Variants in DMXL2 observed in about 807,000 individuals in gnomAD.
The protein encoded by DMXL2 is Dmx like 2.
DMXL2 carries 103 observed loss-of-function variants against 331.1 expected under a neutral mutation model. That is an observed-to-expected ratio of 0.31 (90% confidence interval 0.27 to 0.37). DMXL2 has a LOEUF of 0.37. DMXL2 is among the 10% of genes least tolerant of loss of function. The pLI, the probability that DMXL2 is intolerant of heterozygous loss-of-function variation, is 1.00. For synonymous variants in DMXL2, 1,281 were observed against 1,252.1 expected, an observed-to-expected ratio of 1.02 and a Z score of -0.49; for missense variants, 3,171 against 3,642.9, an observed-to-expected ratio of 0.87 and a Z score of 3.33.
At chr15:51,619,850 C>T (rs1885986345) in intron 1 of DMXL2, among the ~76,000 whole-genome samples, 1 of 152,118 alleles carries the variant, frequency 6.6e-6, no homozygotes, top group Admixed American at 6.5e-5. Context: ...ACACCCTCTC[C>T]AGAGCAGGCA....
chr15:51,542,241 A>G (rs2140913413), intron 9 of DMXL2, 92 bp downstream of exon 9: 1 of 1,259,820 alleles, frequency 7.9e-7, no homozygotes, highest in African/African-American at 1.5e-5. Flanking sequence ...GCAACATGAA[A>G]TAATAAAAAA....
chr15:51,601,403 G>T (rs190380104), intron 1 of DMXL2, among the ~76,000 whole-genome samples: 3 of 150,652 alleles, frequency 2.0e-5, no homozygotes, highest in Non-Finnish European at 4.4e-5. Flanking sequence ...AATATGTATT[G>T]TTCTGTCTTG....
chr15:51,453,511 C>A (rs750900599), intron 41 of DMXL2, 39 bp downstream of exon 41: 2 of 1,473,854 alleles, frequency 1.4e-6, no homozygotes, highest in East Asian at 2.4e-5. Flanking sequence ...GGATTTCTAA[C>A]GTTTTTATAT....
intron 18 of DMXL2, among the ~76,000 whole-genome samples, chr15:51,497,240 A>C (rs1004716530): frequency 1.1e-4 from 16 of 152,360 alleles, no homozygotes; most frequent in Middle Eastern, 3.4e-3. Flanking sequence ...TAACCTGCAG[A>C]GAAGAAAACT....
chr15:51,447,887 A>G lies in DMXL2; in HGVS notation c.*1097T>C, dbSNP rs1214935758. ...TTACTTTTATGCCATTGTATTTACT[A>G]TTTACCACACAGGCATTGAACATTC... On this transcript the variant is annotated 3_prime_UTR_variant, in exon 44 of 44. Transcript: ENST00000560891. 2 of 152,652 alleles carry G rather than the reference A, an allele frequency of 1.3e-5. No homozygotes were observed. Among genetic ancestry groups the G allele is most frequent in the African/African-American group, 4.8e-5 (2 of 41,452 alleles). The allele number at this position is 152,652 out of a possible 1,614,324, so 9.5% of individuals were successfully genotyped here.
intron 15 of DMXL2, among the ~76,000 whole-genome samples, chr15:51,512,990 T>A (rs1488341834): frequency 6.6e-6 from 1 of 152,048 alleles, no homozygotes; most frequent in Non-Finnish European, 1.5e-5. Flanking sequence ...AACTTTAAAT[T>A]AAAACTTAGT....
intron 40 of DMXL2, 140 bp downstream of exon 40, chr15:51,455,011 G>A: frequency 1.5e-6 from 1 of 678,072 alleles, no homozygotes; most frequent in South Asian, 1.8e-5. Context: ...GTAAGGATGG[G>A]TGCTGCTGTC....
At chr15:51,556,852 A>G (rs1285506625) in intron 6 of DMXL2, among the ~76,000 whole-genome samples, 1 of 152,210 alleles carries the variant, frequency 6.6e-6, no homozygotes, top group Non-Finnish European at 1.5e-5. Context: ...GGTTTAGAAA[A>G]ACAATCTAGC....
At chr15:51,496,539 T>C (rs1465503687) in intron 18 of DMXL2, among the ~76,000 whole-genome samples, 1 of 152,160 alleles carries the variant, frequency 6.6e-6, no homozygotes, top group Non-Finnish European at 1.5e-5. Context: ...TAACTTTTAT[T>C]CTAAAGTGAG....
intron 17 of DMXL2, among the ~76,000 whole-genome samples, chr15:51,501,815 G>A (rs1475017225): frequency 6.6e-6 from 1 of 151,056 alleles, no homozygotes; most frequent in African/African-American, 2.4e-5. Flanking sequence ...AGCTACTCGG[G>A]AGGCTAAGGC....
intron 6 of DMXL2, among the ~76,000 whole-genome samples, chr15:51,560,252 C>T (rs866204069): frequency 6.6e-6 from 1 of 151,974 alleles, no homozygotes; most frequent in South Asian, 2.1e-4. Context: ...AATCTTTATA[C>T]TTCAAAAGTA....
intron 1 of DMXL2, among the ~76,000 whole-genome samples, chr15:51,590,480 G>A (rs764405249): frequency 5.9e-5 from 9 of 152,126 alleles, no homozygotes; most frequent in Non-Finnish European, 8.8e-5. Context: ...CAAGACTCTT[G>A]GAAGATTTGT....
At chr15:51,568,440 A>G (rs754237513) in intron 3 of DMXL2, 47 bp downstream of exon 3, 3 of 1,268,124 alleles carry the variant, frequency 2.4e-6, no homozygotes, top group African/African-American at 3.1e-5. Context: ...ATTGGATTCT[A>G]AAGTTAACTA....
chr15:51,578,834 G>C (rs1431267867), intron 1 of DMXL2, among the ~76,000 whole-genome samples: 5 of 152,208 alleles, frequency 3.3e-5, no homozygotes, highest in African/African-American at 9.6e-5. Context: ...GCTGGGTACA[G>C]TGGCTCATGC....
At chr15:51,459,272 T>C in intron 34 of DMXL2, 2 of 208,536 alleles carry the variant, frequency 9.6e-6, no homozygotes, top group South Asian at 1.6e-4. Flanking sequence ...TAAAAGAGAC[T>C]GATGAGAGGA....
chr15:51,534,321 A>G (rs4462537), intron 13 of DMXL2, among the ~76,000 whole-genome samples: 67,644 of 151,986 alleles, frequency 0.45, 15,629 homozygotes, highest in Non-Finnish European at 0.5. Flanking sequence ...GGGGGAGCAG[A>G]TTTGGCCTGA....
intron 15 of DMXL2, among the ~76,000 whole-genome samples, chr15:51,509,644 C>G (rs1226713270): frequency 6.6e-6 from 1 of 152,312 alleles, no homozygotes; most frequent in East Asian, 1.9e-4. Context: ...GGAGCTGGTA[C>G]CATTCCTTCT....
At chr15:51,507,459 A>G (rs1049619178) in intron 15 of DMXL2, among the ~76,000 whole-genome samples, 2 of 152,210 alleles carry the variant, frequency 1.3e-5, no homozygotes, top group Non-Finnish European at 2.9e-5. Flanking sequence ...AAAGTACACA[A>G]AAGCTAACAT....
At chr15:51,577,954 T>C (rs1323001065) in intron 1 of DMXL2, among the ~76,000 whole-genome samples, 1 of 152,118 alleles carries the variant, frequency 6.6e-6, no homozygotes, top group African/African-American at 2.4e-5. Flanking sequence ...GTGCACCAAG[T>C]CTCAAGTCTG....
Sources: gnomAD v4.1 joint callset for allele counts (sites outside exome capture counted in the v4.1 genomes callset) on GRCh38, gnomAD v4.1.1 for gene constraint, MANE v1.5 for transcripts, NCBI Gene and HGNC (gene_info 2026-07-23, HGNC 2026-07-21) for gene names.